Variants in SCIN observed in about 807,000 individuals in gnomAD.
SCIN encodes scinderin.
SCIN carries 91 observed loss-of-function variants against 91.8 expected under a neutral mutation model. The ratio of observed to expected loss-of-function variants is 0.99; its 90% CI spans 0.84 to 1.18. The LOEUF (loss-of-function observed/expected upper bound fraction) is 1.18, where lower values mean the gene tolerates loss of function less well. Among genes scored for constraint, SCIN ranks in the 50% most tolerant of loss-of-function variants. SCIN has a pLI of 0.00. For synonymous variants in SCIN, 367 were observed against 312.6 expected (o/e 1.17, Z -1.84); for missense variants, 1,087 against 863.9 (o/e 1.26, Z -3.24).
At chr7:12,578,261 CTT>C (rs1193729153) in intron 2 of SCIN, 43 bp downstream of exon 2, 1 of 1,498,824 alleles carries the variant, frequency 6.7e-7, no homozygotes. Context: ...CCTTTCTCCT[CTT>C]GTCCATCCAT....
chr7:12,577,689 A>G (rs758393741), intron 1 of SCIN: 5 of 418,932 alleles, frequency 1.2e-5, no homozygotes, highest in South Asian at 8.8e-5. Context: ...TTTTCCCTAC[A>G]AAACACTTTT....
chr7:12,641,897 T>A (rs861997), intron 11 of SCIN, among the ~76,000 whole-genome samples: 98,047 of 151,712 alleles, frequency 0.65, 32,993 homozygotes, highest in Non-Finnish European at 0.76. Context: ...GGCATAAATC[T>A]CCTTATCTAC....
intron 7 of SCIN, chr7:12,626,379 A>G (rs1248000726): frequency 7.3e-6 from 4 of 550,702 alleles, no homozygotes; most frequent in Admixed American, 3.4e-5. Context: ...GGGGTAACAT[A>G]TTAAAGAACT....
intron 3 of SCIN, among the ~76,000 whole-genome samples, chr7:12,586,408 G>T (rs1218744525): frequency 2.6e-5 from 4 of 152,100 alleles, no homozygotes; most frequent in Admixed American, 2.0e-4. Context: ...TAGAATGACT[G>T]TCATCAAAAA....
rs1350935117 is a variant in SCIN at position 12,644,295 on chromosome 7, T to C, written c.1739T>C (p.Ile580Thr). Residue 580 changes from isoleucine (I) to threonine (T), a missense_variant, in exon 12 of 16, where the codon ATC becomes ACC. Ile to Thr is a moderately conservative substitution (Grantham distance 89, BLOSUM62 -1). Transcript: ENST00000297029. ...GTCCTAAAGTGCAAAACCTTAAGGA[T>C]CCAAGAAGGCGAGGAGCCAGGTGTG... ...ASVLKCKTLR[I>T]QEGEEPEEFW... The C allele has an allele frequency of 3.8e-6, 6 of 1,590,396 alleles. No homozygotes were observed.
intron 1 of SCIN, among the ~76,000 whole-genome samples, chr7:12,575,993 T>C (rs17166176): frequency 0.033 from 4,968 of 152,240 alleles, 123 homozygotes; most frequent in Non-Finnish European, 0.05. Flanking sequence ...GATAGGATAA[T>C]TTAATTAACT....
At chr7:12,624,023 A>T (rs950193435) in intron 5 of SCIN, among the ~76,000 whole-genome samples, 17 of 152,222 alleles carry the variant, frequency 1.1e-4, no homozygotes, top group Admixed American at 4.6e-4. Context: ...CCTCCTGGAC[A>T]GCATTATGAA....
intron 3 of SCIN, among the ~76,000 whole-genome samples, chr7:12,588,165 G>GCTC (rs1351368133): frequency 1.3e-5 from 2 of 152,104 alleles, no homozygotes; most frequent in Non-Finnish European, 2.9e-5. Flanking sequence ...GAGCCTTGAG[G>GCTC]CAATAAGAAT....
intron 9 of SCIN, among the ~76,000 whole-genome samples, chr7:12,630,896 A>G (rs554945002): frequency 9.2e-5 from 14 of 152,334 alleles, no homozygotes; most frequent in African/African-American, 3.4e-4. Context: ...TTTAATTCAG[A>G]AAAGTGTTTG....
At chr7:12,638,733 T>C (rs936929434) in intron 10 of SCIN, among the ~76,000 whole-genome samples, 3 of 152,222 alleles carry the variant, frequency 2.0e-5, no homozygotes, top group Admixed American at 2.0e-4. Context: ...TACAAGTTAG[T>C]AGATACAAAA....
intron 9 of SCIN, among the ~76,000 whole-genome samples, chr7:12,630,784 G>A (rs1375935094): frequency 1.3e-4 from 20 of 152,198 alleles, no homozygotes; most frequent in Admixed American, 1.2e-3. Flanking sequence ...GTTGTAACTG[G>A]TAAAGCAACA....
At chr7:12,579,221 G>A (rs576178115) in intron 2 of SCIN, among the ~76,000 whole-genome samples, 18 of 152,024 alleles carry the variant, frequency 1.2e-4, no homozygotes, top group Non-Finnish European at 2.5e-4. Context: ...CAGAGTCTTC[G>A]TTGAATATTT....
At chr7:12,578,909 G>GTTTTTTGTTTTTTTTTTT in intron 2 of SCIN, among the ~76,000 whole-genome samples, 1 of 85,904 alleles carries the variant, frequency 1.2e-5, no homozygotes, top group South Asian at 4.5e-4. Context: ...TATAGGACAG[G>GTTTTTTGTTTTTTTTTTT]TTTTTTTTTT....
At chr7:12,580,887 A>T (rs1033761349) in intron 2 of SCIN, among the ~76,000 whole-genome samples, 173 bp from the exon 3 acceptor site, 1 of 152,232 alleles carries the variant, frequency 6.6e-6, no homozygotes, top group African/African-American at 2.4e-5. Context: ...CAATCTGTTG[A>T]TTACCAAGGG....
chr7:12,584,481 G>A (rs1229906875), intron 3 of SCIN, among the ~76,000 whole-genome samples: 2 of 152,064 alleles, frequency 1.3e-5, no homozygotes, highest in Non-Finnish European at 2.9e-5. Flanking sequence ...ATTCCATATT[G>A]TCCTTTTATT....
chr7:12,596,929 C>T (rs1267004098), intron 3 of SCIN, among the ~76,000 whole-genome samples: 1 of 152,142 alleles, frequency 6.6e-6, no homozygotes, highest in African/African-American at 2.4e-5. Flanking sequence ...ATTTATTTCT[C>T]TTCTCTCTAT....
intron 3 of SCIN, among the ~76,000 whole-genome samples, chr7:12,585,303 C>T (rs943210091): frequency 4.6e-5 from 7 of 152,286 alleles, no homozygotes; most frequent in South Asian, 4.1e-4. Context: ...TATCCAGCCT[C>T]ACTCCTCCCC....
At chr7:12,632,461 T>G (rs909824376) in intron 9 of SCIN, among the ~76,000 whole-genome samples, 3 of 152,094 alleles carry the variant, frequency 2.0e-5, no homozygotes, top group Admixed American at 1.3e-4. Flanking sequence ...TTATTCTGAT[T>G]GACATGTACA....
chr7:12,596,537 G>A, intron 3 of SCIN: 2 of 443,608 alleles, frequency 4.5e-6, no homozygotes, highest in South Asian at 3.2e-5. Context: ...TAGTGGTTGG[G>A]GGAGGGCCCT....
Sources: gnomAD v4.1 joint callset for allele counts (sites outside exome capture counted in the v4.1 genomes callset) on GRCh38, gnomAD v4.1.1 for gene constraint, MANE v1.5 for transcripts, NCBI Gene and HGNC (gene_info 2026-07-23, HGNC 2026-07-21) for gene names.